WNT5A: variants seen among roughly 807,000 people sequenced by gnomAD.
WNT5A encodes the protein protein Wnt-5a.
WNT5A carries 9 observed loss-of-function variants against 42.1 expected under a neutral mutation model. The ratio of observed to expected loss-of-function variants is 0.21; its 90% CI spans 0.13 to 0.37. The LOEUF (loss-of-function observed/expected upper bound fraction) is 0.37, where lower values mean the gene tolerates loss of function less well. Among genes scored for constraint, WNT5A ranks in the 10% least tolerant of loss-of-function variants. The pLI, the probability that WNT5A is intolerant of heterozygous loss-of-function variation, is 1.00. For synonymous variants in WNT5A, 210 were observed against 210.0 expected, an observed-to-expected ratio of 1.00 and a Z score of 0.00; for missense variants, 426 against 534.0, an observed-to-expected ratio of 0.80 and a Z score of 1.99.
rs962494362 is a variant in WNT5A at position 55,487,054 on chromosome 3, G to A, written c.-69C>T. On this transcript the variant is annotated 5_prime_UTR_variant, in exon 1 of 5. Coordinates refer to ENST00000264634, the MANE Select transcript of WNT5A (RefSeq NM_003392.7). ...AGCGCAGCCGAGGAATCCGAGCGGA[G>A]CGACCGGGTTAAGCCTGGGGGGACG... The A allele has an allele frequency of 1.8e-5, 28 of 1,529,098 alleles. No homozygotes were observed. Among genetic ancestry groups the A allele is most frequent in the South Asian group, 3.5e-5 (3 of 85,348 alleles). 94.7% of individuals were successfully genotyped at this position (1,529,098 alleles called of 1,614,324 possible).
At chr3:55,491,807 C>G (rs983681223), upstream of WNT5A, among the ~76,000 whole-genome samples, 8 of 152,204 alleles carry the variant, frequency 5.3e-5, no homozygotes, top group Non-Finnish European at 4.4e-5. Context: ...TAATAAAGAG[C>G]CCCAAGATGT....
the WNT5A span, chr3:55,501,837 T>G: frequency 1.3e-5 from 2 of 152,238 alleles, no homozygotes; most frequent in Non-Finnish European, 2.9e-5. Flanking sequence ...TAAAAGGCCC[T>G]GCCCCTCCAA....
At chr3:55,487,842 A>C (rs1311166645), upstream of WNT5A, 4 of 152,288 alleles carry the variant, frequency 2.6e-5, no homozygotes, top group Non-Finnish European at 5.9e-5. Flanking sequence ...ACGGGGAGCA[A>C]AATAGGTGAA....
chr3:55,498,179 C>T, the WNT5A span, among the ~76,000 whole-genome samples: 1 of 152,294 alleles, frequency 6.6e-6, no homozygotes, highest in Non-Finnish European at 1.5e-5. Flanking sequence ...TATGTGACAG[C>T]CGTCACTGTT....
At chr3:55,495,155 T>C (rs865813489), upstream of WNT5A, among the ~76,000 whole-genome samples, 6 of 152,368 alleles carry the variant, frequency 3.9e-5, no homozygotes, top group Middle Eastern at 3.4e-3. Context: ...TATTATAACA[T>C]ATCCATTACC....
chr3:55,489,957 G>C (rs1164681727), upstream of WNT5A: 1 of 152,284 alleles, frequency 6.6e-6, no homozygotes, highest in Non-Finnish European at 1.5e-5. Context: ...AGATTCCCTG[G>C]CTGCGGGAGA....
At chr3:55,502,995 G>A in the WNT5A span, among the ~76,000 whole-genome samples, 60 of 152,120 alleles carry the variant, frequency 3.9e-4, no homozygotes, top group African/African-American at 1.4e-3. Context: ...TTTAAAACCT[G>A]GTGTTTTATT....
chr3:55,500,572 G>A, the WNT5A span, among the ~76,000 whole-genome samples: 5 of 152,258 alleles, frequency 3.3e-5, no homozygotes, highest in Non-Finnish European at 5.9e-5. Flanking sequence ...CAGGAACACT[G>A]AGTGATTTGC....
upstream of WNT5A, among the ~76,000 whole-genome samples, chr3:55,493,300 A>G (rs1285048936): frequency 1.3e-5 from 2 of 152,208 alleles, no homozygotes; most frequent in Non-Finnish European, 2.9e-5. Context: ...CCTGGACTTC[A>G]GGATAGCTTC....
intron 1 of WNT5A, among the ~76,000 whole-genome samples, chr3:55,485,483 C>T (rs2051560025): frequency 6.6e-6 from 1 of 151,958 alleles, no homozygotes; most frequent in Non-Finnish European, 1.5e-5. Flanking sequence ...AGAACAACTC[C>T]CCTACACACA....
intron 3 of WNT5A, among the ~76,000 whole-genome samples, chr3:55,477,653 T>C (rs1281106137): frequency 1.3e-5 from 2 of 152,226 alleles, no homozygotes; most frequent in African/African-American, 4.8e-5. Flanking sequence ...GCAGGCTCTT[T>C]GAATCTTGGA....
chr3:55,480,847 G>T lies in WNT5A; in HGVS notation c.78C>A (p.Phe26Leu). 1 of 1,586,318 alleles carries T rather than the reference G, an allele frequency of 6.3e-7. No homozygotes were observed. The highest frequency in any genetic ancestry group is 8.6e-7 in the Non-Finnish European group (1 of 1,164,860). The change falls in exon 2 of 5, where the codon TTC (phenylalanine) becomes TTA (leucine). Residue 26 changes from phenylalanine to leucine, a missense_variant. Phe to Leu is a conservative substitution (Grantham distance 22). This residue lies in a region of WNT5A where 62 missense variants were observed against 49.0 expected (regional missense o/e 1.26). Coordinates refer to ENST00000264634, the MANE Select transcript of WNT5A (RefSeq NM_003392.7). ...AGAAAAATATGGCCAAAGCCACTAG[G>T]AAGAACTTGGAAGACATTGCACTTC... ...MAGSAMSSKF[F>L]LVALAIFFSF...
At chr3:55,496,512 A>G in the WNT5A span, among the ~76,000 whole-genome samples, 2 of 152,230 alleles carry the variant, frequency 1.3e-5, no homozygotes, top group Non-Finnish European at 2.9e-5. Context: ...AAATTTACCT[A>G]TTCCGGCAGG....
At chr3:55,486,921 C>T in intron 1 of WNT5A, 59 bp downstream of exon 1, 1 of 1,395,154 alleles carries the variant, frequency 7.2e-7, no homozygotes, top group Non-Finnish European at 1.0e-6. Flanking sequence ...ACTCAGTTAA[C>T]TTCCAACAGG....
rs769193003 is a variant in WNT5A, at chr3:55,474,325, C to G, written c.684+12G>C. 2.5e-6 allele frequency: 4 copies of G among 1,612,510 alleles called. No homozygotes were observed. The highest frequency in any genetic ancestry group is 8.5e-7 in the Non-Finnish European group (1 of 1,179,746). Reference sequence around the variant, plus strand: ...ACAGAGATGCGGGGCGGGGGCGAGACGCGGCACTCACCCTGCGGCCGGCCT... The same window carrying G: ...ACAGAGATGCGGGGCGGGGGCGAGAGGCGGCACTCACCCTGCGGCCGGCCT... On this transcript the variant is annotated intron_variant, in intron 4 of 4. Coordinates refer to ENST00000264634, the MANE Select transcript of WNT5A (RefSeq NM_003392.7).
In WNT5A at chr3:55,481,250, C is replaced by T. The variant is rs550852244; in HGVS notation, c.7-332G>A. ...TCGAGTCCCGCACCCCCTGGCCCCC[C>T]TCTAGTTGGTGCTGTGCTCAGTCCC... On this transcript the variant is annotated intron_variant, in intron 1 of 4. Transcript: ENST00000264634. 1.7e-5 allele frequency: 17 copies of T among 994,004 alleles called. No homozygotes were observed. The African/African-American group carries it at 2.2e-4, about 13-fold the overall frequency. 61.6% of individuals were successfully genotyped at this position (994,004 alleles called of 1,614,324 possible). A position where few individuals can be genotyped will look rare whatever the true frequency, so the allele number is the denominator to read the frequency against.
Position 55,469,551 on chromosome 3 carries a change from A to G in WNT5A, c.*541T>C, listed in dbSNP as rs1023004717. 4 of 152,598 alleles carry G rather than the reference A, an allele frequency of 2.6e-5. No homozygotes were observed. In the East Asian group the frequency reaches 7.7e-4, roughly 29 times the overall value. The allele number at this position is 152,598 out of a possible 1,614,324, so 9.5% of individuals were successfully genotyped here. On this transcript the variant is annotated 3_prime_UTR_variant, in exon 5 of 5. Coordinates refer to ENST00000264634, the MANE Select transcript of WNT5A (RefSeq NM_003392.7). Reference sequence around the variant, plus strand: ...TTGTAAATTATCATTTTGAAAATGCAGAAAGCAAGCTAGCAGCCCTGCTGG... The same window carrying G: ...TTGTAAATTATCATTTTGAAAATGCGGAAAGCAAGCTAGCAGCCCTGCTGG...
At position 55,479,470 on chromosome 3, in the gene WNT5A, G is replaced by T; in HGVS notation, c.235C>A (p.Gln79Lys). Reference sequence around the variant, plus strand: ...TGATACAAGTGGCACAGTTTCTTCTGTCCTTGAGAAAGTCCTGCCAGTTGG... The same window carrying T: ...TGATACAAGTGGCACAGTTTCTTCTTTCCTTGAGAAAGTCCTGCCAGTTGG... ...CSQLAGLSQG[Q>K]KKLCHLYQDH... is the part of the protein sequence containing the mutation. The change falls in exon 3 of 5, where the codon CAG becomes AAG. Residue 79 changes from glutamine (Q) to lysine (K), a missense_variant. Transcript: ENST00000264634. 6.2e-7 allele frequency: 1 copy of T among 1,614,008 alleles called. No homozygotes were observed. Among genetic ancestry groups the T allele is most frequent in the Non-Finnish European group, 8.5e-7 (1 of 1,179,898 alleles).
Position 55,486,962 on chromosome 3 carries a change from A to G in WNT5A, c.6+18T>C. ...GGGGGAAGTAAAGAAAAAAAGTGGC[A>G]GCGCACTGAACACCTACCTTCATGG... On this transcript the variant is annotated intron_variant, in intron 1 of 4. Coordinates refer to ENST00000264634, the MANE Select transcript of WNT5A (RefSeq NM_003392.7). The G allele has an allele frequency of 1.2e-6, 2 of 1,604,972 alleles. No individual in the cohort carries two copies. The highest frequency in any genetic ancestry group is 1.7e-6 in the Non-Finnish European group (2 of 1,173,836).
Sources: gnomAD v4.1 joint callset for allele counts (sites outside exome capture counted in the v4.1 genomes callset) on GRCh38, gnomAD v4.1.1 for gene constraint, gnomAD v4.1.1 regional missense constraint, MANE v1.5 for transcripts, NCBI Gene and HGNC (gene_info 2026-07-23, HGNC 2026-07-21) for gene names.